Variants in ADK observed in about 807,000 individuals in gnomAD.
ADK encodes the protein N6,N6-dimethyladenosine kinase.
Under a neutral mutation model 44.7 loss-of-function variants are expected in ADK, and 24 were observed. The ratio of observed to expected loss-of-function variants is 0.54; its 90% CI spans 0.39 to 0.76. The LOEUF (loss-of-function observed/expected upper bound fraction) is 0.76. Among genes scored for constraint, ADK ranks in the 30% least tolerant of loss-of-function variants. ADK has a pLI of 0.00. For missense variants in ADK, 321 were observed against 425.1 expected, an observed-to-expected ratio of 0.76 and a Z score of 2.15; for synonymous variants, 128 against 142.6, an observed-to-expected ratio of 0.90 and a Z score of 0.73.
chr10:74,216,740 A>T (rs1373457000), intron 2 of ADK, among the ~76,000 whole-genome samples: 3 of 152,172 alleles, frequency 2.0e-5, no homozygotes, highest in South Asian at 2.1e-4. Context: ...AAAAAATAAA[A>T]AAAAAAAAGT....
At chr10:74,693,645 T>C (rs1366675250) in intron 10 of ADK, among the ~76,000 whole-genome samples, 1 of 152,212 alleles carries the variant, frequency 6.6e-6, no homozygotes, top group Non-Finnish European at 1.5e-5. Context: ...CTGATTTACT[T>C]GGTATATAGC....
chr10:74,604,332 A>G (rs1852242551), intron 9 of ADK, among the ~76,000 whole-genome samples: 1 of 152,128 alleles, frequency 6.6e-6, no homozygotes, highest in African/African-American at 2.4e-5. Context: ...GCCCATGCCT[A>G]TGTCCTGAAT....
intron 7 of ADK, 144 bp downstream of exon 7, chr10:74,525,570 C>T: frequency 1.5e-6 from 1 of 675,886 alleles, no homozygotes; most frequent in Non-Finnish European, 2.5e-6. Context: ...AAAATTGCCT[C>T]AATGTCAACT....
chr10:74,201,134 G>C (rs572371839), intron 2 of ADK, among the ~76,000 whole-genome samples: 10 of 152,248 alleles, frequency 6.6e-5, no homozygotes, highest in Non-Finnish European at 1.5e-4. Flanking sequence ...TTAAACTACT[G>C]TCAGTGAGCT....
At chr10:74,369,844 AT>A (rs1044279396) in intron 4 of ADK, among the ~76,000 whole-genome samples, 10 of 152,216 alleles carry the variant, frequency 6.6e-5, no homozygotes, top group Admixed American at 6.5e-4. Flanking sequence ...AAGTAAATCA[AT>A]CATTATACTT....
chr10:74,215,443 T>C lies in ADK; in HGVS notation c.141-9095T>C, dbSNP rs188544097. On this transcript the variant is annotated intron_variant, in intron 2 of 10. Transcript: ENST00000539909. ...CTCCTGCCTCAGCCTCCCCAGTAGCTGGGACCACAGGCGCCTGCCACCACG... is the reference window on the plus strand; with the variant it reads ...CTCCTGCCTCAGCCTCCCCAGTAGCCGGGACCACAGGCGCCTGCCACCACG... Among the ~76,000 whole-genome samples the C allele has an allele frequency of 2.0e-5, 3 of 152,182 alleles. No homozygotes were observed. In the East Asian group the frequency reaches 5.8e-4, roughly 29 times the overall value.
At chr10:74,628,952 A>G (rs1002286936) in intron 9 of ADK, among the ~76,000 whole-genome samples, 1 of 152,152 alleles carries the variant, frequency 6.6e-6, no homozygotes, top group African/African-American at 2.4e-5. Flanking sequence ...TGCAGAATAC[A>G]ATTTATTAAG....
At chr10:74,636,908 A>G (rs74146385) in intron 9 of ADK, among the ~76,000 whole-genome samples, 45 of 152,342 alleles carry the variant, frequency 3.0e-4, no homozygotes, top group African/African-American at 1.0e-3. Flanking sequence ...ATTGGGGGAC[A>G]TAGTTCACTA....
At chr10:74,363,244 C>A (rs1312119047) in intron 4 of ADK, among the ~76,000 whole-genome samples, 1 of 152,150 alleles carries the variant, frequency 6.6e-6, no homozygotes, top group Non-Finnish European at 1.5e-5. Flanking sequence ...GGAATGATTC[C>A]CTGACTACAG....
intron 3 of ADK, among the ~76,000 whole-genome samples, chr10:74,300,450 C>T (rs1041834359): frequency 4.6e-4 from 70 of 151,706 alleles, no homozygotes. Flanking sequence ...TGTCTTGGCT[C>T]ACTGCAACTT....
chr10:74,598,640 G>A lies in ADK; in HGVS notation c.763-1739G>A, dbSNP rs537611981. Reference sequence around the variant, plus strand: ...TAATTTTTGTATTTTTAGTAAAGACGGGATTTCACCATGTTAGCCAGGATG... The same window carrying A: ...TAATTTTTGTATTTTTAGTAAAGACAGGATTTCACCATGTTAGCCAGGATG... On this transcript the variant is annotated intron_variant, in intron 8 of 10. Transcript: ENST00000539909. 2.6e-4 allele frequency among the ~76,000 whole-genome samples: 40 copies of A among 151,630 alleles called. No individual in the cohort carries two copies. The South Asian group carries it at 7.5e-3, about 28-fold the overall frequency.
rs113056717 is a variant in ADK, at chr10:74,577,150, G to A, written c.727-12132G>A. 1.6e-3 allele frequency among the ~76,000 whole-genome samples: 236 copies of A among 149,084 alleles called. 3 individuals carry two copies. Among genetic ancestry groups the A allele is most frequent in the Middle Eastern group, 6.8e-3 (2 of 294 alleles). On this transcript the variant is annotated intron_variant, in intron 7 of 10. Coordinates refer to ENST00000539909, the MANE Select transcript of ADK (RefSeq NM_006721.4). Reference sequence around the variant, plus strand: ...TGTGTGTGTGTGTGTGTGTGTGTGTGTGTAGTCTAACTTGTACATTTGGCC... The same window carrying A: ...TGTGTGTGTGTGTGTGTGTGTGTGTATGTAGTCTAACTTGTACATTTGGCC...
chr10:74,193,459 T>A (rs1367520200), intron 1 of ADK, among the ~76,000 whole-genome samples: 12 of 149,412 alleles, frequency 8.0e-5, no homozygotes, highest in Admixed American at 8.0e-4. Context: ...TTTTGCTAAC[T>A]TTTTATTTTC....
chr10:74,337,870 G>T (rs1841459985), intron 4 of ADK, among the ~76,000 whole-genome samples: 1 of 150,224 alleles, frequency 6.7e-6, no homozygotes, highest in Admixed American at 6.7e-5. Flanking sequence ...TCAAGTGATT[G>T]TCATGCCTCA....
intron 8 of ADK, among the ~76,000 whole-genome samples, chr10:74,593,777 A>G (rs962629113): frequency 6.6e-6 from 1 of 152,238 alleles, no homozygotes; most frequent in Non-Finnish European, 1.5e-5. Flanking sequence ...AGACTGTGAC[A>G]GGATTGCTTA....
chr10:74,392,588 T>C (rs946361011), intron 4 of ADK, among the ~76,000 whole-genome samples: 4 of 152,142 alleles, frequency 2.6e-5, no homozygotes, highest in African/African-American at 9.6e-5. Context: ...TGGAAATAAG[T>C]TGCCTTTTCA....
At chr10:74,584,202 C>T (rs1047725061) in intron 7 of ADK, among the ~76,000 whole-genome samples, 18 of 152,176 alleles carry the variant, frequency 1.2e-4, no homozygotes, top group African/African-American at 4.3e-4. Context: ...CATTAAAGTA[C>T]TCTAGGTGCT....
At chr10:74,608,955 A>G (rs1339141652) in intron 9 of ADK, among the ~76,000 whole-genome samples, 1 of 152,148 alleles carries the variant, frequency 6.6e-6, no homozygotes, top group Non-Finnish European at 1.5e-5. Context: ...CGGTCTGGCT[A>G]CAGTGGCTTT....
chr10:74,657,728 A>G (rs978320216), intron 9 of ADK, among the ~76,000 whole-genome samples: 1 of 152,234 alleles, frequency 6.6e-6, no homozygotes, highest in Non-Finnish European at 1.5e-5. Context: ...ATACAGTACT[A>G]AGAGCTGGGA....
Sources: allele counts gnomAD v4.1 joint callset (sites outside exome capture counted in the v4.1 genomes callset), GRCh38; gene constraint gnomAD v4.1.1; transcripts MANE v1.5; gene names NCBI Gene and HGNC (gene_info 2026-07-23, HGNC 2026-07-21).